DGKB: variants seen among roughly 807,000 people sequenced by gnomAD.
The protein encoded by DGKB is diacylglycerol kinase beta.
In DGKB, 67 loss-of-function variants were observed where a neutral mutation model predicts 114.3. That is an observed-to-expected ratio of 0.59 (90% CI 0.48 to 0.72). The LOEUF (loss-of-function observed/expected upper bound fraction) is 0.72, where lower values mean the gene tolerates loss of function less well. DGKB is among the 30% of genes least tolerant of loss of function. DGKB has a pLI of 0.00. For synonymous variants in DGKB, 398 were observed against 323.1 expected (o/e 1.23, Z -2.49); for missense variants, 907 against 975.2 (o/e 0.93, Z 0.93).
intron 12 of DGKB, among the ~76,000 whole-genome samples, chr7:14,675,554 G>C (rs1171889154): frequency 6.6e-6 from 1 of 151,780 alleles, no homozygotes; most frequent in Admixed American, 6.6e-5. Flanking sequence ...GGGAGTTTCA[G>C]AGCATAGGTA....
rs1816336722 is a variant in DGKB at position 14,658,574 on chromosome 7, C to G, written c.1134+14355G>C. Among the ~76,000 whole-genome samples the G allele has an allele frequency of 2.0e-5, 3 of 151,782 alleles. No individual in the cohort carries two copies. In the South Asian group the frequency reaches 6.2e-4, roughly 32 times the overall value. ...TCAAAATAGCTGGAAGAGAGGACTT[C>G]CCAACATAAAGAAATAATGAAATAC... On this transcript the variant is annotated intron_variant, in intron 13 of 25. Transcript: ENST00000402815.
At chr7:14,661,189 C>G (rs1012638652) in intron 13 of DGKB, among the ~76,000 whole-genome samples, 19 of 151,460 alleles carry the variant, frequency 1.3e-4, no homozygotes, top group Admixed American at 9.2e-4. Flanking sequence ...GCAACAAAAG[C>G]CAAAATTGAC....
At chr7:14,799,171 A>C (rs185102409) in intron 2 of DGKB, among the ~76,000 whole-genome samples, 1 of 152,354 alleles carries the variant, frequency 6.6e-6, no homozygotes, top group Admixed American at 6.5e-5. Flanking sequence ...AAATTAAAAC[A>C]TCTCCTGGTA....
intron 1 of DGKB, among the ~76,000 whole-genome samples, chr7:14,879,915 T>C (rs1041845080): frequency 2.6e-5 from 4 of 152,202 alleles, no homozygotes; most frequent in African/African-American, 9.6e-5. Flanking sequence ...TAATTTCTAG[T>C]TCATCATGCC....
intron 20 of DGKB, among the ~76,000 whole-genome samples, chr7:14,481,419 T>C (rs865934069): frequency 6.6e-6 from 1 of 151,938 alleles, no homozygotes; most frequent in African/African-American, 2.4e-5. Context: ...GAGGAGAATA[T>C]TGTCTTTATA....
At chr7:14,396,573 G>C (rs764599021) in intron 21 of DGKB, among the ~76,000 whole-genome samples, 1 of 152,124 alleles carries the variant, frequency 6.6e-6, no homozygotes, top group Non-Finnish European at 1.5e-5. Flanking sequence ...GCTGTTTTGA[G>C]CTTGGATTTG....
intron 21 of DGKB, among the ~76,000 whole-genome samples, chr7:14,421,767 G>C (rs12536559): frequency 0.27 from 40,373 of 151,852 alleles, 5,888 homozygotes; most frequent in East Asian, 0.49. Flanking sequence ...TAGGCACAAA[G>C]AGCACTGATG....
chr7:14,822,363 A>T (rs1013156111), intron 2 of DGKB, among the ~76,000 whole-genome samples: 1 of 152,148 alleles, frequency 6.6e-6, no homozygotes, highest in Non-Finnish European at 1.5e-5. Flanking sequence ...GGTCAGGTTT[A>T]GAAGGAAGAC....
intron 13 of DGKB, among the ~76,000 whole-genome samples, chr7:14,666,056 C>G (rs1585485262): frequency 6.6e-6 from 1 of 151,746 alleles, no homozygotes; most frequent in African/African-American, 2.4e-5. Context: ...TAAAAATAAA[C>G]AACTTATATT....
At chr7:14,893,663 A>G (rs1781657391) in intron 1 of DGKB, among the ~76,000 whole-genome samples, 1 of 151,368 alleles carries the variant, frequency 6.6e-6, no homozygotes, top group Non-Finnish European at 1.5e-5. Context: ...TAAATGAAAG[A>G]AATACTCGTT....
chr7:14,593,211 A>C (rs1297334973), intron 17 of DGKB, among the ~76,000 whole-genome samples: 2 of 152,058 alleles, frequency 1.3e-5, no homozygotes, highest in African/African-American at 4.8e-5. Flanking sequence ...AAAGTGAAGG[A>C]GAGAGGGACA....
chr7:14,615,455 G>A (rs1298947112), intron 15 of DGKB, among the ~76,000 whole-genome samples: 1 of 151,682 alleles, frequency 6.6e-6, no homozygotes, highest in Non-Finnish European at 1.5e-5. Context: ...TGTATTTTAA[G>A]TTATATACTG....
chr7:14,719,562 T>C (rs2128353143), intron 5 of DGKB, among the ~76,000 whole-genome samples: 1 of 152,180 alleles, frequency 6.6e-6, no homozygotes, highest in East Asian at 1.9e-4. Context: ...GTTGAGTGGC[T>C]ACTAGATTCC....
intron 1 of DGKB, among the ~76,000 whole-genome samples, chr7:14,951,766 G>T (rs903653974): frequency 4.6e-5 from 7 of 151,660 alleles, no homozygotes; most frequent in African/African-American, 7.3e-5. Context: ...GCATTGAGGG[G>T]GGTATATAGA....
At chr7:14,604,917 G>C (rs1804206839) in intron 17 of DGKB, among the ~76,000 whole-genome samples, 1 of 152,150 alleles carries the variant, frequency 6.6e-6, no homozygotes, top group Non-Finnish European at 1.5e-5. Flanking sequence ...GTGGGCATCA[G>C]TATCAGAGGC....
intron 1 of DGKB, among the ~76,000 whole-genome samples, chr7:14,866,201 C>G (rs1851686452): frequency 6.6e-6 from 1 of 152,156 alleles, no homozygotes; most frequent in Non-Finnish European, 1.5e-5. Context: ...AGCTTCCACT[C>G]TTTTTAAAAT....
intron 20 of DGKB, among the ~76,000 whole-genome samples, chr7:14,559,714 A>G (rs1796374042): frequency 6.6e-6 from 1 of 152,208 alleles, no homozygotes; most frequent in Non-Finnish European, 1.5e-5. Flanking sequence ...TCACAATACT[A>G]AAGTCACTGA....
intron 2 of DGKB, among the ~76,000 whole-genome samples, chr7:14,808,705 T>A (rs2128072056): frequency 6.6e-6 from 1 of 152,206 alleles, no homozygotes; most frequent in Non-Finnish European, 1.5e-5. Context: ...AATAGAATGT[T>A]TGCTTTTAAT....
At chr7:14,904,447 C>G (rs568198731), upstream of DGKB, among the ~76,000 whole-genome samples, 2 of 151,686 alleles carry the variant, frequency 1.3e-5, no homozygotes, top group Non-Finnish European at 2.9e-5. Flanking sequence ...AGGGGGAACA[C>G]GGAAGAAAGA....
Sources: gnomAD v4.1 joint callset for allele counts (sites outside exome capture counted in the v4.1 genomes callset) on GRCh38, gnomAD v4.1.1 for gene constraint, MANE v1.5 for transcripts, NCBI Gene and HGNC (gene_info 2026-07-23, HGNC 2026-07-21) for gene names.